MCUB: variants seen among roughly 807,000 people sequenced by gnomAD.
MCUB encodes the protein mitochondrial calcium uniporter dominant negative subunit beta, also known as calcium uniporter regulatory subunit MCUb, mitochondrial.
MCUB carries 46 observed loss-of-function variants against 41.4 expected under a neutral mutation model. The observed-to-expected ratio is 1.11, with a 90% CI of 0.88 to 1.42. The LOEUF (loss-of-function observed/expected upper bound fraction) is 1.42, where lower values mean the gene tolerates loss of function less well. MCUB is among the 40% of genes most tolerant of loss of function. The pLI, the probability that MCUB is intolerant of heterozygous loss-of-function variation, is 0.00. For synonymous variants in MCUB, 148 were observed against 148.2 expected (o/e 1.00, Z 0.01); for missense variants, 403 against 404.9 (o/e 1.00, Z 0.04).
intron 1 of MCUB, among the ~76,000 whole-genome samples, chr4:109,573,628 A>G (rs984051101): frequency 1.3e-5 from 2 of 152,200 alleles, no homozygotes; most frequent in Non-Finnish European, 1.5e-5. Context: ...GATGGATTCT[A>G]GAAGCTAGTA....
At chr4:109,601,846 T>C (rs1282179500) in intron 1 of MCUB, among the ~76,000 whole-genome samples, 1 of 152,216 alleles carries the variant, frequency 6.6e-6, no homozygotes, top group Non-Finnish European at 1.5e-5. Flanking sequence ...TAATTTACAT[T>C]CCTGCCAACA....
rs12646212 is a variant in MCUB, at chr4:109,600,213, C to T, written c.99+39777C>T. ...CTTGCTTCTAGTTTTAGTTCTGCCACTACCTGTACTACCTGTTTTAGTTCT... is the reference window on the plus strand; with the variant it reads ...CTTGCTTCTAGTTTTAGTTCTGCCATTACCTGTACTACCTGTTTTAGTTCT... On this transcript the variant is annotated intron_variant, in intron 1 of 7. Coordinates refer to ENST00000394650, the MANE Select transcript of MCUB (RefSeq NM_017918.5). 2.2e-3 allele frequency among the ~76,000 whole-genome samples: 334 copies of T among 152,296 alleles called. 5 individuals carry two copies. The East Asian group carries it at 0.056, about 25-fold the overall frequency.
intron 1 of MCUB, among the ~76,000 whole-genome samples, chr4:109,630,017 C>T (rs59149692): frequency 5.3e-5 from 8 of 152,126 alleles, no homozygotes; most frequent in Admixed American, 3.3e-4. Context: ...TGGCAGCTAT[C>T]GGTCAACACA....
At chr4:109,663,487 C>T (rs1729271157) in intron 3 of MCUB, among the ~76,000 whole-genome samples, 1 of 152,138 alleles carries the variant, frequency 6.6e-6, no homozygotes, top group South Asian at 2.1e-4. Flanking sequence ...GCCTCTCTCC[C>T]CTTCCACAAA....
intron 1 of MCUB, among the ~76,000 whole-genome samples, chr4:109,631,105 A>C (rs973146926): frequency 2.6e-5 from 4 of 152,202 alleles, no homozygotes; most frequent in African/African-American, 9.6e-5. Flanking sequence ...CTCAGATGAG[A>C]TCAAGCTAGT....
At chr4:109,603,819 C>T (rs528625926) in intron 1 of MCUB, among the ~76,000 whole-genome samples, 2 of 152,120 alleles carry the variant, frequency 1.3e-5, no homozygotes, top group Non-Finnish European at 2.9e-5. Flanking sequence ...GGGGGCACCT[C>T]TGCCCGGCCA....
At chr4:109,609,016 C>T (rs1280878903) in intron 1 of MCUB, among the ~76,000 whole-genome samples, 4 of 152,018 alleles carry the variant, frequency 2.6e-5, no homozygotes, top group Non-Finnish European at 5.9e-5. Context: ...TCTGGATTAC[C>T]AGACAGAGAC....
intron 1 of MCUB, among the ~76,000 whole-genome samples, chr4:109,646,602 A>G (rs12504784): frequency 0.53 from 80,708 of 152,022 alleles, 21,815 homozygotes; most frequent in South Asian, 0.67. Context: ...AATCCTTATT[A>G]CACTTTAACA....
chr4:109,600,463 G>T (rs1179502700), intron 1 of MCUB, among the ~76,000 whole-genome samples: 1 of 152,112 alleles, frequency 6.6e-6, no homozygotes, highest in Non-Finnish European at 1.5e-5. Context: ...TCCACTTTCT[G>T]CTTTTCTATT....
In MCUB at chr4:109,623,229, G is replaced by A. The variant is rs187577773; in HGVS notation, c.100-35782G>A. Among the ~76,000 whole-genome samples, 5 of 152,306 alleles carry A rather than the reference G, an allele frequency of 3.3e-5. No homozygotes were observed. In the East Asian group the frequency reaches 9.6e-4, roughly 29 times the overall value. On this transcript the variant is annotated intron_variant, in intron 1 of 7. Transcript: ENST00000394650. Reference sequence around the variant, plus strand: ...TCCACTGTCACGAAGAAAAGAGCTTGGCTGATTGATAATATCGAAAAATTA... The same window carrying A: ...TCCACTGTCACGAAGAAAAGAGCTTAGCTGATTGATAATATCGAAAAATTA...
At chr4:109,579,960 G>T (rs1436897973) in intron 1 of MCUB, among the ~76,000 whole-genome samples, 1 of 152,128 alleles carries the variant, frequency 6.6e-6, no homozygotes, top group Non-Finnish European at 1.5e-5. Flanking sequence ...GTATTCATGT[G>T]CCATGTTGGT....
intron 7 of MCUB, among the ~76,000 whole-genome samples, chr4:109,685,681 CTG>C (rs1228200634): frequency 3.9e-5 from 6 of 152,318 alleles, no homozygotes; most frequent in Admixed American, 1.3e-4. Flanking sequence ...AAGGTGAACA[CTG>C]TGATAAGGAA....
intron 4 of MCUB, among the ~76,000 whole-genome samples, chr4:109,678,024 C>CATCTTAA (rs1561250767): frequency 6.6e-5 from 10 of 151,756 alleles, no homozygotes; most frequent in Middle Eastern, 3.4e-3. Context: ...TGACTCTTAA[C>CATCTTAA]GAGTATGCTG....
intron 1 of MCUB, among the ~76,000 whole-genome samples, chr4:109,641,167 A>G (rs2126140301): frequency 6.6e-6 from 1 of 151,966 alleles, no homozygotes; most frequent in South Asian, 2.1e-4. Flanking sequence ...ATGTTGGCTC[A>G]CTGCAAGCTT....
At chr4:109,659,156 A>G (rs1376521552) in intron 2 of MCUB, 70 bp downstream of exon 2, 2 of 932,324 alleles carry the variant, frequency 2.1e-6, no homozygotes, top group Admixed American at 2.0e-5. Flanking sequence ...AAGAGCTGCG[A>G]GAGTTTTGAG....
intron 1 of MCUB, among the ~76,000 whole-genome samples, chr4:109,636,404 G>A (rs1488590501): frequency 1.2e-4 from 18 of 152,196 alleles, no homozygotes; most frequent in Admixed American, 1.2e-3. Context: ...TGCTTAGAGT[G>A]AGATAAGAGA....
chr4:109,605,079 T>G (rs1727839718), intron 1 of MCUB, among the ~76,000 whole-genome samples: 1 of 152,196 alleles, frequency 6.6e-6, no homozygotes, highest in African/African-American at 2.4e-5. Context: ...TTTTCACAAG[T>G]TCGAGTAGGA....
intron 1 of MCUB, among the ~76,000 whole-genome samples, chr4:109,630,854 T>C (rs1028357141): frequency 2.6e-5 from 4 of 152,204 alleles, no homozygotes; most frequent in Non-Finnish European, 5.9e-5. Flanking sequence ...GTGCTGGGAT[T>C]ACAGGCGTGA....
intron 1 of MCUB, among the ~76,000 whole-genome samples, chr4:109,642,602 T>G (rs1013346205): frequency 2.7e-5 from 4 of 146,370 alleles, no homozygotes; most frequent in African/African-American, 7.8e-5. Context: ...CAGTATTTTT[T>G]CTTCACCCCA....
Sources: allele counts gnomAD v4.1 joint callset (sites outside exome capture counted in the v4.1 genomes callset), GRCh38; gene constraint gnomAD v4.1.1; transcripts MANE v1.5; gene names NCBI Gene and HGNC (gene_info 2026-07-23, HGNC 2026-07-21).